The following PARN variants were observed in gnomAD, a reference collection of about 807,000 sequenced individuals.
The protein encoded by PARN is poly(A)-specific ribonuclease.
A neutral mutation model predicts 102.8 loss-of-function variants in PARN; 71 were observed. That is an observed-to-expected ratio of 0.69 (90% CI 0.57 to 0.84). The LOEUF is 0.84. Ranked by LOEUF, PARN falls within the 40% of genes least tolerant of loss-of-function variation. The pLI is 0.00. For missense variants in PARN, 782 were observed against 760.9 expected, an observed-to-expected ratio of 1.03 and a Z score of -0.33; for synonymous variants, 261 against 252.9, an observed-to-expected ratio of 1.03 and a Z score of -0.30.
chr16:14,490,951 C>T (rs764517264), intron 21 of PARN, among the ~76,000 whole-genome samples: 1 of 151,942 alleles, frequency 6.6e-6, no homozygotes, highest in Non-Finnish European at 1.5e-5. Context: ...AAAACAGAAA[C>T]ACCCAACCCT....
intron 18 of PARN, among the ~76,000 whole-genome samples, chr16:14,565,785 T>C (rs780019646): frequency 2.6e-5 from 4 of 152,362 alleles, no homozygotes; most frequent in Non-Finnish European, 5.9e-5. Flanking sequence ...TGATTATCCC[T>C]GACTCTGCCA....
At chr16:14,567,184 G>A (rs770634930) in intron 18 of PARN, among the ~76,000 whole-genome samples, 1 of 152,162 alleles carries the variant, frequency 6.6e-6, no homozygotes, top group Non-Finnish European at 1.5e-5. Context: ...AATGGCTTTG[G>A]TTAAAGTATG....
rs1960710654 is a variant in PARN, at chr16:14,436,647, G to T, written c.*70C>A. The T allele has an allele frequency of 1.8e-6, 2 of 1,141,168 alleles. No individual in the cohort carries two copies. The highest frequency in any genetic ancestry group is 2.6e-6 in the Non-Finnish European group (2 of 771,782). 70.7% of individuals were successfully genotyped at this position (1,141,168 alleles called of 1,614,324 possible). On this transcript the variant is annotated 3_prime_UTR_variant, in exon 24 of 24. Coordinates refer to ENST00000437198, the MANE Select transcript of PARN (RefSeq NM_002582.4). ...ATTTGATTAAGTTAAATACAGTGCG[G>T]CTTCCAAATGTGCCAGCCGGCTCTT...
chr16:14,630,187 C>T lies in PARN; in HGVS notation c.-62G>A. On this transcript the variant is annotated 5_prime_UTR_variant, in exon 1 of 24. Coordinates refer to ENST00000437198, the MANE Select transcript of PARN (RefSeq NM_002582.4). Reference sequence around the variant, plus strand: ...CCGCGCCCGCCTCAGCGGTTCTACTCGCCGAATTCCGCGGCGACTGCGGCA... The same window carrying T: ...CCGCGCCCGCCTCAGCGGTTCTACTTGCCGAATTCCGCGGCGACTGCGGCA... 6.9e-7 allele frequency: 1 copy of T among 1,447,274 alleles called. No homozygotes were observed. Among genetic ancestry groups the T allele is most frequent in the East Asian group, 2.6e-5 (1 of 39,130 alleles). The allele number at this position is 1,447,274 out of a possible 1,614,324, so 89.7% of individuals were successfully genotyped here.
chr16:14,489,722 G>C (rs1373838310), intron 21 of PARN, among the ~76,000 whole-genome samples: 1 of 152,216 alleles, frequency 6.6e-6, no homozygotes, highest in Non-Finnish European at 1.5e-5. Context: ...CCAGTTTATT[G>C]TAGCAACTGT....
intron 6 of PARN, among the ~76,000 whole-genome samples, chr16:14,616,348 G>A (rs949217312): frequency 1.3e-5 from 2 of 152,194 alleles, no homozygotes; most frequent in Non-Finnish European, 2.9e-5. Flanking sequence ...TTCCTCAGGT[G>A]CTCCCCAGGC....
intron 12 of PARN, among the ~76,000 whole-genome samples, chr16:14,597,198 T>C (rs934282766): frequency 6.6e-6 from 1 of 152,206 alleles, no homozygotes; most frequent in African/African-American, 2.4e-5. Flanking sequence ...GATATGCTGA[T>C]AGACGATAAT....
chr16:14,625,456 C>A (rs1972587332), intron 5 of PARN, among the ~76,000 whole-genome samples: 1 of 152,126 alleles, frequency 6.6e-6, no homozygotes, highest in Non-Finnish European at 1.5e-5. Flanking sequence ...TAGATCATGC[C>A]ATCACACTCT....
chr16:14,623,281 C>A (rs1396884304), intron 5 of PARN, among the ~76,000 whole-genome samples: 4 of 151,990 alleles, frequency 2.6e-5, no homozygotes, highest in Non-Finnish European at 2.9e-5. Flanking sequence ...TTTGGGAGGC[C>A]GAGGTGGGCA....
intron 6 of PARN, among the ~76,000 whole-genome samples, chr16:14,613,316 AAAAAAAAAAC>A (rs1194772345): frequency 6.6e-6 from 1 of 151,350 alleles, no homozygotes; most frequent in Non-Finnish European, 1.5e-5. Flanking sequence ...TCTCAAAAAA[AAAAAAAAAAC>A]AAAACACCAT....
chr16:14,589,036 T>C (rs2151760937), intron 13 of PARN, among the ~76,000 whole-genome samples: 1 of 151,688 alleles, frequency 6.6e-6, no homozygotes, highest in East Asian at 2.0e-4. Context: ...AAAAATTAGC[T>C]GGGCATGGTG....
At chr16:14,501,461 C>CAAAAAAAAAAAAA in intron 21 of PARN, 1 of 45,032 alleles carries the variant, frequency 2.2e-5, no homozygotes, top group East Asian at 7.2e-4. Flanking sequence ...AAAAAAAAAA[C>CAAAAAAAAAAAAA]AGAAAGAAAA....
intron 6 of PARN, among the ~76,000 whole-genome samples, chr16:14,613,840 T>G (rs557761355): frequency 9.2e-5 from 14 of 151,746 alleles, no homozygotes; most frequent in South Asian, 4.2e-4. Flanking sequence ...AGAATACACA[T>G]AGAGGAGAAG....
chr16:14,467,205 A>G (rs1375811163), intron 22 of PARN, among the ~76,000 whole-genome samples: 2 of 152,218 alleles, frequency 1.3e-5, no homozygotes, highest in Non-Finnish European at 2.9e-5. Flanking sequence ...AGGCATCATT[A>G]GCACTAACAA....
intron 18 of PARN, among the ~76,000 whole-genome samples, chr16:14,579,332 T>C (rs1969359231): frequency 6.6e-6 from 1 of 152,248 alleles, no homozygotes. Flanking sequence ...ACATGACTGA[T>C]AAACTAGATG....
Position 14,566,629 on chromosome 16 carries a change from C to G in PARN, c.1263-10920G>C, listed in dbSNP as rs575904700. Among the ~76,000 whole-genome samples, 11 of 152,306 alleles carry G rather than the reference C, an allele frequency of 7.2e-5. No homozygotes were observed. In the East Asian group the frequency reaches 2.1e-3, roughly 29 times the overall value. The stretch of plus-strand genomic sequence containing the variant: ...ACCCTACAGAACACTAATCCAATAC[C>G]CTACTACAGAGGAGGCAAGTTGCTT... On this transcript the variant is annotated intron_variant, in intron 18 of 23. Transcript: ENST00000437198.
intron 5 of PARN, among the ~76,000 whole-genome samples, chr16:14,619,056 C>G (rs1350816203): frequency 2.0e-5 from 3 of 151,512 alleles, no homozygotes; most frequent in Non-Finnish European, 4.4e-5. Flanking sequence ...ATTAGCCAGG[C>G]ATGGTAGCAC....
chr16:14,608,153 G>C (rs1971308135), intron 9 of PARN, 128 bp downstream of exon 9: 1 of 688,474 alleles, frequency 1.5e-6, no homozygotes, highest in Non-Finnish European at 2.5e-6. Flanking sequence ...GAAAGTAGGG[G>C]GAACTTCATG....
intron 18 of PARN, among the ~76,000 whole-genome samples, chr16:14,563,116 T>C (rs1032630044): frequency 4.6e-5 from 7 of 152,234 alleles, no homozygotes; most frequent in African/African-American, 1.7e-4. Flanking sequence ...CTCTGAGAAC[T>C]GAAAAGATCA....
Sources: allele counts gnomAD v4.1 joint callset (sites outside exome capture counted in the v4.1 genomes callset), GRCh38; gene constraint gnomAD v4.1.1; transcripts MANE v1.5; gene names NCBI Gene and HGNC (gene_info 2026-07-23, HGNC 2026-07-21).